The following NTRK2 variants were observed in gnomAD, a reference collection of about 807,000 sequenced individuals.
The protein encoded by NTRK2 is neurotrophic receptor tyrosine kinase 2.
A neutral mutation model predicts 94.5 loss-of-function variants in NTRK2; 13 were observed. That is an observed-to-expected ratio of 0.14 (90% CI 0.09 to 0.22). NTRK2 has a LOEUF of 0.22. Ranked by LOEUF, NTRK2 falls within the 10% of genes least tolerant of loss-of-function variation. The pLI, the probability that NTRK2 is intolerant of heterozygous loss-of-function variation, is 1.00. For synonymous variants in NTRK2, 372 were observed against 407.4 expected, an observed-to-expected ratio of 0.91 and a Z score of 1.05; for missense variants, 639 against 1,071.2, an observed-to-expected ratio of 0.60 and a Z score of 5.63.
chr9:84,834,600 G>A (rs778977912), intron 12 of NTRK2, among the ~76,000 whole-genome samples: 1 of 152,134 alleles, frequency 6.6e-6, no homozygotes, highest in Non-Finnish European at 1.5e-5. Context: ...AATCGGAGGG[G>A]TGTGTCTCAT....
chr9:84,707,972 T>C, intron 5 of NTRK2, 60 bp downstream of exon 5: 1 of 1,382,292 alleles, frequency 7.2e-7, no homozygotes, highest in Non-Finnish European at 1.0e-6. Flanking sequence ...GGTAATTAAG[T>C]ATTTTTCTTT....
intron 17 of NTRK2, among the ~76,000 whole-genome samples, chr9:84,958,201 A>G (rs78167469): frequency 6.9e-6 from 1 of 145,368 alleles, no homozygotes; most frequent in Admixed American, 6.8e-5. Context: ...AATCATATAC[A>G]AAAAAAAAAC....
At position 84,814,303 on chromosome 9, in the gene NTRK2, G is replaced by A. The variant is rs984707691; in HGVS notation, c.1397-46737G>A. 1.1e-5 allele frequency: 12 copies of A among 1,065,306 alleles called. No homozygotes were observed. The Admixed American group carries it at 1.6e-4, about 14-fold the overall frequency. 66.0% of individuals were successfully genotyped at this position (1,065,306 alleles called of 1,614,324 possible). ...ACAGAGCAGAGGCGACACCTCTTCA[G>A]GGGTGTGTGGAGTAAATAGCTCGAA... is the stretch of plus-strand genomic sequence containing the variant. On this transcript the variant is annotated intron_variant, in intron 12 of 18. Transcript: ENST00000277120.
intron 17 of NTRK2, among the ~76,000 whole-genome samples, chr9:84,991,981 C>A (rs548784568): frequency 1.3e-5 from 2 of 152,276 alleles, no homozygotes; most frequent in South Asian, 2.1e-4. Flanking sequence ...CCTCTGACCT[C>A]CTGTCTTTTG....
chr9:84,890,039 T>G (rs1237131606), intron 14 of NTRK2, among the ~76,000 whole-genome samples: 1 of 152,250 alleles, frequency 6.6e-6, no homozygotes, highest in African/African-American at 2.4e-5. Flanking sequence ...CTTAGCACTT[T>G]GCTTACATGA....
intron 12 of NTRK2, among the ~76,000 whole-genome samples, chr9:84,797,543 A>G (rs868471422): frequency 1.5e-5 from 1 of 66,298 alleles, no homozygotes; most frequent in South Asian, 3.8e-4. Context: ...TGTATATATA[A>G]TATATATATT....
intron 14 of NTRK2, among the ~76,000 whole-genome samples, chr9:84,909,484 G>GC (rs1554767168): frequency 6.8e-6 from 1 of 146,980 alleles, no homozygotes; most frequent in Non-Finnish European, 1.5e-5. Flanking sequence ...AGTTTTAGTT[G>GC]TTTTTTTTTT....
intron 12 of NTRK2, among the ~76,000 whole-genome samples, chr9:84,768,926 A>G (rs994974410): frequency 6.6e-6 from 1 of 152,172 alleles, no homozygotes; most frequent in Non-Finnish European, 1.5e-5. Flanking sequence ...CCTGCGGGAC[A>G]GTAGAGGATG....
At chr9:84,830,669 A>G (rs1372333310) in intron 12 of NTRK2, among the ~76,000 whole-genome samples, 1 of 152,174 alleles carries the variant, frequency 6.6e-6, no homozygotes, top group Admixed American at 6.5e-5. Flanking sequence ...TGCCAGGTAG[A>G]GGCAGTTTAA....
rs141580491 is a variant in NTRK2, at chr9:84,727,760, C to G, written c.960C>G (p.Asn320Lys). The change falls in exon 9 of 19, where the codon AAC (asparagine) becomes AAG (lysine). Residue 320 changes from asparagine to lysine, a missense_variant. Physicochemically the swap from Asn to Lys is moderately conservative, Grantham distance 94 (BLOSUM62 0). Coordinates refer to ENST00000277120, the MANE Select transcript of NTRK2 (RefSeq NM_006180.6). Reference protein sequence around the residue: ...NPKPALQWFYNGAILNESKYI... With the variant: ...NPKPALQWFYKGAILNESKYI... ...AACCAGCGCTTCAGTGGTTCTATAACGGGGCAATATTGAATGAGTCCAAAT... is the reference window on the plus strand; with the variant it reads ...AACCAGCGCTTCAGTGGTTCTATAAGGGGGCAATATTGAATGAGTCCAAAT... The G allele has an allele frequency of 6.2e-7, 1 of 1,614,162 alleles. No individual in the cohort carries two copies. The highest frequency in any genetic ancestry group is 2.2e-5 in the East Asian group (1 of 44,888).
chr9:84,732,187 A>G (rs954385555), intron 9 of NTRK2, among the ~76,000 whole-genome samples: 1 of 152,126 alleles, frequency 6.6e-6, no homozygotes, highest in Non-Finnish European at 1.5e-5. Flanking sequence ...TGACAATCAG[A>G]CTACAGGAGT....
chr9:84,689,087 C>G (rs2059890551), intron 2 of NTRK2, among the ~76,000 whole-genome samples: 3 of 152,228 alleles, frequency 2.0e-5, no homozygotes, highest in South Asian at 4.1e-4. Context: ...GCCTGACACA[C>G]AGTTCGCACT....
intron 14 of NTRK2, among the ~76,000 whole-genome samples, chr9:84,925,291 C>A (rs1277429634): frequency 6.6e-6 from 1 of 151,518 alleles, no homozygotes; most frequent in Non-Finnish European, 1.5e-5. Flanking sequence ...CAGCCCCTAA[C>A]CCCCATGTGC....
chr9:84,841,733 G>C (rs2131793861), intron 12 of NTRK2, among the ~76,000 whole-genome samples: 1 of 152,302 alleles, frequency 6.6e-6, no homozygotes, highest in African/African-American at 2.4e-5. Context: ...GCCACTCTCA[G>C]ATGTGCTGCA....
chr9:84,788,717 G>T (rs2068397748), intron 12 of NTRK2, among the ~76,000 whole-genome samples: 1 of 152,112 alleles, frequency 6.6e-6, no homozygotes, highest in South Asian at 2.1e-4. Flanking sequence ...AAATGGCAGA[G>T]TGGGTGGGGG....
intron 12 of NTRK2, among the ~76,000 whole-genome samples, chr9:84,757,262 T>G (rs1024323140): frequency 2.6e-5 from 4 of 152,210 alleles, no homozygotes; most frequent in Non-Finnish European, 5.9e-5. Flanking sequence ...AACATAAAAA[T>G]GGATGTTCCC....
In NTRK2 at chr9:85,023,174, T is replaced by C. The variant is rs1359202246; in HGVS notation, c.*1737T>C. 4.3e-6 allele frequency: 1 copy of C among 232,936 alleles called. No homozygotes were observed. The highest frequency in any genetic ancestry group is 8.5e-6 in the Non-Finnish European group (1 of 117,906). 14.4% of individuals were successfully genotyped at this position (232,936 alleles called of 1,614,324 possible). A position where few individuals can be genotyped will look rare whatever the true frequency, so the allele number is the denominator to read the frequency against. On this transcript the variant is annotated 3_prime_UTR_variant, in exon 19 of 19. Transcript: ENST00000277120. ...AAATTTAAATAGAAATTTACAGCTA[T>C]TTGAATGGTCAGATATACCAAGAAA...
intron 14 of NTRK2, chr9:84,877,253 A>T (rs2132167042): frequency 1.9e-6 from 2 of 1,065,836 alleles, no homozygotes; most frequent in Non-Finnish European, 2.3e-6. Context: ...TGTCCTCTTT[A>T]GTTCTCTTTG....
At chr9:84,771,564 G>A (rs1379050362) in intron 12 of NTRK2, among the ~76,000 whole-genome samples, 2 of 152,170 alleles carry the variant, frequency 1.3e-5, no homozygotes, top group Non-Finnish European at 2.9e-5. Flanking sequence ...AGCCATACTA[G>A]AGACCTTTAA....
Sources: allele counts gnomAD v4.1 joint callset (sites outside exome capture counted in the v4.1 genomes callset), GRCh38; gene constraint gnomAD v4.1.1; transcripts MANE v1.5; gene names NCBI Gene and HGNC (gene_info 2026-07-23, HGNC 2026-07-21).